Variants in TANC2 observed in about 807,000 individuals in gnomAD.
The protein encoded by TANC2 is protein TANC2.
Under a neutral mutation model 210.5 loss-of-function variants are expected in TANC2, and 26 were observed. That is an observed-to-expected ratio of 0.12 (90% CI 0.09 to 0.17). The LOEUF (loss-of-function observed/expected upper bound fraction) is 0.17. Ranked by LOEUF, TANC2 falls within the 10% of genes least tolerant of loss-of-function variation. TANC2 has a pLI of 1.00. For missense variants in TANC2, 2,129 were observed against 2,608.9 expected (o/e 0.82, Z 4.01); for synonymous variants, 931 against 967.1 (o/e 0.96, Z 0.69).
chr17:63,196,400 T>C (rs908267863), intron 6 of TANC2, among the ~76,000 whole-genome samples: 2 of 152,202 alleles, frequency 1.3e-5, no homozygotes, highest in African/African-American at 2.4e-5. Flanking sequence ...CCAGGTAACT[T>C]GATGTCATAT....
intron 9 of TANC2, among the ~76,000 whole-genome samples, chr17:63,310,362 A>T (rs911774482): frequency 1.2e-4 from 19 of 152,084 alleles, no homozygotes; most frequent in Non-Finnish European, 4.4e-5. Flanking sequence ...CAGGAGAATC[A>T]CTTGAACCTG....
At chr17:63,319,217 GT>G (rs1300980585) in intron 11 of TANC2, 127 bp downstream of exon 11, 6 of 986,898 alleles carry the variant, frequency 6.1e-6, no homozygotes, top group Non-Finnish European at 8.9e-6. Flanking sequence ...GTGGAGGAAA[GT>G]TTCTCTTTCT....
chr17:63,031,047 C>G (rs572863143), intron 2 of TANC2, among the ~76,000 whole-genome samples: 1 of 152,238 alleles, frequency 6.6e-6, no homozygotes, highest in Non-Finnish European at 1.5e-5. Flanking sequence ...TGGTTCTTGA[C>G]TGCAAAGCTG....
intron 3 of TANC2, among the ~76,000 whole-genome samples, chr17:63,084,827 G>A (rs2036901555): frequency 6.6e-6 from 1 of 152,012 alleles, no homozygotes; most frequent in African/African-American, 2.4e-5. Flanking sequence ...ATTCTGTTGT[G>A]GTCTTAGAGC....
chr17:63,002,118 T>A (rs1242322417), intron 1 of TANC2, among the ~76,000 whole-genome samples: 1 of 152,112 alleles, frequency 6.6e-6, no homozygotes, highest in Non-Finnish European at 1.5e-5. Context: ...TGGGTGACGG[T>A]TTTGGAGCAT....
intron 2 of TANC2, among the ~76,000 whole-genome samples, chr17:63,026,721 A>C (rs925141921): frequency 1.3e-5 from 2 of 152,146 alleles, no homozygotes; most frequent in Non-Finnish European, 2.9e-5. Context: ...TTTCAAATGT[A>C]ATTTATTTAG....
chr17:63,358,352 T>TGAGA (rs5821386), intron 14 of TANC2, among the ~76,000 whole-genome samples: 157 of 138,056 alleles, frequency 1.1e-3, no homozygotes, highest in African/African-American at 3.1e-3. Context: ...GTGAGTAGAG[T>TGAGA]GAGAGAGAGA....
At chr17:63,039,412 A>G (rs2035096742) in intron 2 of TANC2, among the ~76,000 whole-genome samples, 1 of 152,224 alleles carries the variant, frequency 6.6e-6, no homozygotes. Flanking sequence ...AAGTGAAAGT[A>G]GCATACAGAT....
At chr17:63,082,540 AGTTGATTTATT>A (rs2036816186) in intron 3 of TANC2, among the ~76,000 whole-genome samples, 1 of 152,176 alleles carries the variant, frequency 6.6e-6, no homozygotes, top group Non-Finnish European at 1.5e-5. Context: ...TTAAATTTAT[AGTTGATTTATT>A]AAGAAGGAAG....
At chr17:63,409,690 C>T (rs541031943) in intron 21 of TANC2, among the ~76,000 whole-genome samples, 2 of 152,216 alleles carry the variant, frequency 1.3e-5, no homozygotes, top group East Asian at 3.9e-4. Context: ...GCCTGGTGCT[C>T]CTAGGCTACA....
rs191595364 is a variant in TANC2 at position 63,314,569 on chromosome 17, A to G, written c.1341A>G (p.Gly447=). ...GAGTAGTGATTGTGGGAAACATTGG[A>G]TTCGGCAAAACTGCCATCATCTCCA... Residue 447 remains glycine, a synonymous_variant, in exon 10 of 28, where the codon GGA becomes GGG. Coordinates refer to ENST00000689528, the Ensembl canonical transcript of TANC2. 185 of 1,613,952 alleles carry G rather than the reference A, an allele frequency of 1.1e-4. No individual in the cohort carries two copies. In the East Asian group the frequency reaches 3.5e-3, roughly 31 times the overall value.
At chr17:63,028,797 A>G (rs1043096927) in intron 2 of TANC2, among the ~76,000 whole-genome samples, 5 of 152,126 alleles carry the variant, frequency 3.3e-5, no homozygotes, top group Non-Finnish European at 7.4e-5. Context: ...CCATGGCTCA[A>G]TAACTTTCTA....
At chr17:63,276,960 A>T (rs2043895342) in intron 9 of TANC2, among the ~76,000 whole-genome samples, 1 of 152,148 alleles carries the variant, frequency 6.6e-6, no homozygotes, top group Non-Finnish European at 1.5e-5. Context: ...TATGGTAGAT[A>T]CTCTGTACTC....
intron 8 of TANC2, among the ~76,000 whole-genome samples, chr17:63,259,467 G>C (rs1453242719): frequency 5.3e-5 from 8 of 152,184 alleles, no homozygotes; most frequent in African/African-American, 1.9e-4. Flanking sequence ...TGTTCCTGCA[G>C]GGGGACAGGG....
At chr17:63,131,295 A>G (rs976097451) in intron 4 of TANC2, among the ~76,000 whole-genome samples, 4 of 152,224 alleles carry the variant, frequency 2.6e-5, no homozygotes, top group African/African-American at 9.6e-5. Flanking sequence ...ACTAAAACCT[A>G]ATCATAATAA....
intron 9 of TANC2, among the ~76,000 whole-genome samples, chr17:63,307,920 C>T (rs1342059925): frequency 1.3e-5 from 2 of 152,154 alleles, no homozygotes; most frequent in African/African-American, 4.8e-5. Context: ...CGCCCGCTGC[C>T]ATGCCCAGCT....
Position 63,412,773 on chromosome 17 carries a change from C to A in TANC2, c.3928+64C>A. On this transcript the variant is annotated intron_variant, in intron 24 of 27. Coordinates refer to ENST00000689528, the Ensembl canonical transcript of TANC2. The surrounding 1 kb of genome is among the most constrained non-coding windows in gnomAD (Gnocchi z 4.2). ...GGCTTGGTCAGCTTTGCCTTCTCCT[C>A]TTTGGTTTAGCCTGCATGAGTTCCC... 6.5e-7 allele frequency: 1 copy of A among 1,528,460 alleles called. No individual in the cohort carries two copies. The highest frequency in any genetic ancestry group is 1.2e-5 in the South Asian group (1 of 81,682). 94.7% of individuals were successfully genotyped at this position (1,528,460 alleles called of 1,614,324 possible). A position where few individuals can be genotyped will look rare whatever the true frequency, so the allele number is the denominator to read the frequency against.
At chr17:63,190,001 T>C (rs886499569) in intron 5 of TANC2, among the ~76,000 whole-genome samples, 1 of 152,214 alleles carries the variant, frequency 6.6e-6, no homozygotes, top group Non-Finnish European at 1.5e-5. Flanking sequence ...TTGAAGAGAT[T>C]ATTTTTTCCC....
At chr17:63,251,751 C>G (rs1161728001) in intron 8 of TANC2, among the ~76,000 whole-genome samples, 2 of 152,164 alleles carry the variant, frequency 1.3e-5, no homozygotes, top group Non-Finnish European at 2.9e-5. Flanking sequence ...TTTTTAAGGT[C>G]ATTGTACTTC....
Sources: allele counts gnomAD v4.1 joint callset (sites outside exome capture counted in the v4.1 genomes callset), GRCh38; gene constraint gnomAD v4.1.1; non-coding constraint Gnocchi (gnomAD v3.1); transcripts MANE v1.5; gene names NCBI Gene and HGNC (gene_info 2026-07-23, HGNC 2026-07-21).